NCOR1: variants seen among roughly 807,000 people sequenced by gnomAD.
The protein encoded by NCOR1 is protein phosphatase 1, regulatory subunit 109.
In NCOR1, 63 loss-of-function variants were observed where a neutral mutation model predicts 288.1. That is an observed-to-expected ratio of 0.22 (90% CI 0.18 to 0.27). The LOEUF is 0.27. NCOR1 is among the 10% of genes least tolerant of loss of function. The pLI, the probability that NCOR1 is intolerant of heterozygous loss-of-function variation, is 1.00. For synonymous variants in NCOR1, 1,007 were observed against 1,065.9 expected, an observed-to-expected ratio of 0.94 and a Z score of 1.08; for missense variants, 2,397 against 3,019.2, an observed-to-expected ratio of 0.79 and a Z score of 4.83.
chr17:16,091,658 A>T, intron 22 of NCOR1: 1 of 1,393,072 alleles, frequency 7.2e-7, no homozygotes, highest in Non-Finnish European at 9.3e-7. Flanking sequence ...GAATGCTATT[A>T]AAAATGTTAC....
chr17:16,081,084 G>A (rs2063320007), intron 23 of NCOR1, among the ~76,000 whole-genome samples: 1 of 151,678 alleles, frequency 6.6e-6, no homozygotes, highest in Non-Finnish European at 1.5e-5. Context: ...AGTGGTATCA[G>A]CAAATACAGC....
chr17:16,097,230 C>T (rs2152965089), intron 21 of NCOR1, among the ~76,000 whole-genome samples: 1 of 152,342 alleles, frequency 6.6e-6, no homozygotes, highest in African/African-American at 2.4e-5. Flanking sequence ...CAAAAAACCA[C>T]AAGGCAGGAG....
At chr17:16,207,021 T>TC (rs1055602177) in intron 1 of NCOR1, among the ~76,000 whole-genome samples, 17 of 152,010 alleles carry the variant, frequency 1.1e-4, no homozygotes, top group South Asian at 2.1e-4. Context: ...AACTTCTTCC[T>TC]CCCCCCCAAC....
At chr17:16,190,659 TTCTAAAGGACGTAC>T (rs1386405090) in intron 2 of NCOR1, among the ~76,000 whole-genome samples, 2 of 152,032 alleles carry the variant, frequency 1.3e-5, no homozygotes, top group African/African-American at 4.8e-5. Context: ...CTGAAAGAAT[TTCTAAAGGACGTAC>T]CCAGCAAGAA....
rs535319224 is a variant in NCOR1 at position 16,145,297 on chromosome 17, T to C, written c.1082+1079A>G. Among the ~76,000 whole-genome samples the C allele has an allele frequency of 3.9e-5, 6 of 152,322 alleles. No homozygotes were observed. The South Asian group carries it at 8.3e-4, about 21-fold the overall frequency. Reference sequence around the variant, plus strand: ...GCCTTGGCCTCCCAAAGTGCCGAGATTGCAGCCTCTGCCCGGCCACCACCC... The same window carrying C: ...GCCTTGGCCTCCCAAAGTGCCGAGACTGCAGCCTCTGCCCGGCCACCACCC... On this transcript the variant is annotated intron_variant, in intron 10 of 45. Transcript: ENST00000268712.
In NCOR1 at chr17:16,039,625, C is replaced by T. The variant is rs1161363126; in HGVS notation, c.6763G>A (p.Ala2255Thr). Residue 2255 changes from alanine (A) to threonine (T), a missense_variant, in exon 44 of 46, where the codon GCT (alanine) becomes ACT (threonine). Physicochemically the swap from Ala to Thr is moderately conservative, Grantham distance 58. This residue lies in a region of NCOR1 where 1,872 missense variants were observed against 2,187.8 expected (regional missense o/e 0.86). Transcript: ENST00000268712. Reference sequence around the variant, plus strand: ...AGCCCAAGATTACTGGCAGGATCAGCAAAAGAATGGCCTCTAGAGCTAACT... The same window carrying T: ...AGCCCAAGATTACTGGCAGGATCAGTAAAAGAATGGCCTCTAGAGCTAACT... ...GSVSSRGHSF[A>T]DPASNLGLED... is the part of the protein sequence containing the mutation. 1.9e-5 allele frequency: 31 copies of T among 1,613,886 alleles called. No individual in the cohort carries two copies. The highest frequency in any genetic ancestry group is 2.5e-5 in the Non-Finnish European group (30 of 1,179,970).
intron 4 of NCOR1, among the ~76,000 whole-genome samples, chr17:16,165,399 G>C (rs2081836546): frequency 1.3e-5 from 2 of 152,176 alleles, no homozygotes; most frequent in Non-Finnish European, 2.9e-5. Context: ...AGGTGAGTTA[G>C]TGTTGATCAG....
At chr17:16,120,799 A>T (rs544305317) in intron 16 of NCOR1, among the ~76,000 whole-genome samples, 1 of 152,190 alleles carries the variant, frequency 6.6e-6, no homozygotes, top group Non-Finnish European at 1.5e-5. Context: ...AAAAATGGTA[A>T]TTATTAGAAA....
At chr17:16,056,424 G>A (rs1363296653) in intron 40 of NCOR1, among the ~76,000 whole-genome samples, 1 of 143,516 alleles carries the variant, frequency 7.0e-6, no homozygotes, top group Non-Finnish European at 1.5e-5. Context: ...CGATTCTTCT[G>A]CCTCAGTGTC....
chr17:16,110,382 AT>A (rs989289372), intron 18 of NCOR1, among the ~76,000 whole-genome samples: 18 of 151,938 alleles, frequency 1.2e-4, no homozygotes, highest in African/African-American at 3.9e-4. Flanking sequence ...AAAAACAAAA[AT>A]TTTTTTTAAT....
At chr17:16,196,917 T>C (rs1023731438) in intron 1 of NCOR1, among the ~76,000 whole-genome samples, 1 of 151,762 alleles carries the variant, frequency 6.6e-6, no homozygotes, top group Non-Finnish European at 1.5e-5. Context: ...CCTGGGAGGC[T>C]GAAGCAGGAG....
intron 40 of NCOR1, among the ~76,000 whole-genome samples, chr17:16,051,507 G>A (rs1004718914): frequency 2.6e-5 from 4 of 152,142 alleles, no homozygotes; most frequent in Non-Finnish European, 5.9e-5. Context: ...TGTTGACAGG[G>A]AAATTTATAG....
intron 18 of NCOR1, among the ~76,000 whole-genome samples, chr17:16,111,675 G>T (rs1402525412): frequency 6.6e-6 from 1 of 150,682 alleles, no homozygotes; most frequent in Admixed American, 6.6e-5. Flanking sequence ...TGCCTTTGGG[G>T]TCCAACTGCA....
rs1011009947 is a variant in NCOR1 at position 16,117,463 on chromosome 17, A to G, written c.2055+425T>C. ...CCTTTTACATATAAGTGCAATAAATAAAAATATAAGATACAAAAAGGTTTC... is the reference window on the plus strand; with the variant it reads ...CCTTTTACATATAAGTGCAATAAATGAAAATATAAGATACAAAAAGGTTTC... On this transcript the variant is annotated intron_variant, in intron 18 of 45. Coordinates refer to ENST00000268712, the MANE Select transcript of NCOR1 (RefSeq NM_006311.4). 2.0e-5 allele frequency among the ~76,000 whole-genome samples: 3 copies of G among 151,954 alleles called. No individual in the cohort carries two copies. The East Asian group carries it at 5.8e-4, about 29-fold the overall frequency.
At chr17:16,195,694 C>A (rs2089629248) in intron 1 of NCOR1, among the ~76,000 whole-genome samples, 1 of 152,178 alleles carries the variant, frequency 6.6e-6, no homozygotes, top group African/African-American at 2.4e-5. Context: ...CCCAGCTATT[C>A]TAGCACATTT....
intron 1 of NCOR1, among the ~76,000 whole-genome samples, chr17:16,212,856 G>T (rs2092261054): frequency 6.6e-6 from 1 of 151,858 alleles, no homozygotes; most frequent in African/African-American, 2.4e-5. Flanking sequence ...CAGATCGCTT[G>T]AGCCCAGGAG....
At chr17:16,044,956 G>A in intron 42 of NCOR1, 2 of 547,922 alleles carry the variant, frequency 3.7e-6, no homozygotes, top group Non-Finnish European at 6.6e-6. Flanking sequence ...TGGTTGTTTT[G>A]ACTAAATTTC....
At chr17:16,035,530 C>CT (rs966987249) in intron 44 of NCOR1, among the ~76,000 whole-genome samples, 3,371 of 118,306 alleles carry the variant, frequency 0.028, 103 homozygotes, top group African/African-American at 0.071. Flanking sequence ...TTCTCTTGTT[C>CT]TTTTTTTTTT....
chr17:16,132,262 A>G (rs184417452), intron 14 of NCOR1, among the ~76,000 whole-genome samples: 42 of 152,332 alleles, frequency 2.8e-4, no homozygotes, highest in Admixed American at 9.8e-4. Context: ...TTCTAACATG[A>G]CTTGCTTTAC....
Sources: allele counts gnomAD v4.1 joint callset (sites outside exome capture counted in the v4.1 genomes callset), GRCh38; gene constraint gnomAD v4.1.1; regional missense constraint gnomAD v4.1.1; transcripts MANE v1.5; gene names NCBI Gene and HGNC (gene_info 2026-07-23, HGNC 2026-07-21).